The following TTC27 variants were observed in gnomAD, a reference collection of about 807,000 sequenced individuals.
The protein encoded by TTC27 is tetratricopeptide repeat domain 27.
TTC27 carries 79 observed loss-of-function variants against 115.9 expected under a neutral mutation model. That is an observed-to-expected ratio of 0.68 (90% CI 0.57 to 0.82). TTC27 has a LOEUF of 0.82. Ranked by LOEUF, TTC27 falls within the 40% of genes least tolerant of loss-of-function variation. The probability of loss-of-function intolerance (pLI) is 0.00; values close to 1 mark genes in which losing one functional copy is unlikely to be tolerated. For synonymous variants in TTC27, 401 were observed against 356.0 expected (o/e 1.13, Z -1.42); for missense variants, 1,054 against 993.1 (o/e 1.06, Z -0.82).
intron 9 of TTC27, among the ~76,000 whole-genome samples, chr2:32,680,069 C>G (rs1332493286): frequency 1.3e-5 from 2 of 152,114 alleles, no homozygotes; most frequent in Non-Finnish European, 2.9e-5. Context: ...TTACTATTTC[C>G]TACATACCCT....
chr2:32,737,758 C>G (rs1165037982), intron 12 of TTC27, among the ~76,000 whole-genome samples: 2 of 152,056 alleles, frequency 1.3e-5, no homozygotes, highest in African/African-American at 2.4e-5. Flanking sequence ...ATCCTAACAC[C>G]TCGAGAAGCT....
chr2:32,640,905 C>A (rs1664620517), intron 4 of TTC27, among the ~76,000 whole-genome samples: 5 of 152,090 alleles, frequency 3.3e-5, no homozygotes, highest in Admixed American at 2.6e-4. Flanking sequence ...TTGCTTGAAC[C>A]TGGGAGGTGG....
chr2:32,686,600 A>G (rs1420732121), intron 9 of TTC27, among the ~76,000 whole-genome samples: 1 of 151,828 alleles, frequency 6.6e-6, no homozygotes, highest in East Asian at 1.9e-4. Flanking sequence ...GGCTCAAGTG[A>G]TCCGCCCGCC....
At chr2:32,658,258 G>T (rs1025297624) in intron 5 of TTC27, among the ~76,000 whole-genome samples, 8 of 152,144 alleles carry the variant, frequency 5.3e-5, no homozygotes, top group Non-Finnish European at 1.2e-4. Flanking sequence ...CAGTATCTGG[G>T]ACTACAGGAG....
chr2:32,669,182 G>C (rs112477817), intron 7 of TTC27, among the ~76,000 whole-genome samples: 2 of 152,258 alleles, frequency 1.3e-5, no homozygotes, highest in African/African-American at 4.8e-5. Context: ...GGTAGAGATG[G>C]GGTTTCACCG....
intron 8 of TTC27, among the ~76,000 whole-genome samples, chr2:32,673,442 G>C (rs1249540846): frequency 6.6e-6 from 1 of 151,910 alleles, no homozygotes; most frequent in Non-Finnish European, 1.5e-5. Context: ...TTCCAGGCTG[G>C]TCTCGAACTC....
intron 4 of TTC27, among the ~76,000 whole-genome samples, chr2:32,649,842 C>A (rs1665021056): frequency 6.6e-6 from 1 of 151,812 alleles, no homozygotes; most frequent in Non-Finnish European, 1.5e-5. Flanking sequence ...TCGCACCCGG[C>A]CACAACATAT....
chr2:32,647,568 C>T (rs1278816364), intron 4 of TTC27, among the ~76,000 whole-genome samples: 1 of 152,172 alleles, frequency 6.6e-6, no homozygotes, highest in African/African-American at 2.4e-5. Context: ...GTGGTTGCAT[C>T]ACGGTTGTAG....
Position 32,664,329 on chromosome 2 carries a change from G to T in TTC27, c.667G>T (p.Asp223Tyr). The change falls in exon 6 of 20, where the codon GAT becomes TAT. Residue 223 changes from aspartate (D) to tyrosine (Y), a missense_variant. By Grantham distance (160) the Asp-to-Tyr change is radical. Transcript: ENST00000317907. ...QVMKLQNLFVDDSGRYLAIQF... is the reference protein window; with the variant it reads ...QVMKLQNLFVYDSGRYLAIQF... ...GATGAAACTACAGAATCTGTTTGTA[G>T]ATGATTCAGGTCGATATTTGGCTAT... 1 of 1,606,184 alleles carries T rather than the reference G, an allele frequency of 6.2e-7. No homozygotes were observed. Among genetic ancestry groups the T allele is most frequent in the South Asian group, 1.1e-5 (1 of 89,666 alleles).
intron 7 of TTC27, among the ~76,000 whole-genome samples, chr2:32,667,541 C>T (rs111901050): frequency 0.012 from 1,847 of 151,092 alleles, 16 homozygotes; most frequent in Middle Eastern, 0.027. Flanking sequence ...CTCAGCCTCC[C>T]GAGTAGCTGG....
chr2:32,672,414 A>G, intron 8 of TTC27, 30 bp downstream of exon 8: 1 of 1,497,188 alleles, frequency 6.7e-7, no homozygotes, highest in Middle Eastern at 1.7e-4. Context: ...GGCTGCTTTG[A>G]ACACTTTGCA....
At chr2:32,705,499 G>T (rs1306072706) in intron 10 of TTC27, among the ~76,000 whole-genome samples, 2 of 151,554 alleles carry the variant, frequency 1.3e-5, no homozygotes, top group African/African-American at 4.8e-5. Context: ...TTTTTTACTT[G>T]CCACTATACT....
intron 5 of TTC27, among the ~76,000 whole-genome samples, chr2:32,652,321 A>T (rs1214001523): frequency 6.6e-6 from 1 of 152,158 alleles, no homozygotes; most frequent in Non-Finnish European, 1.5e-5. Context: ...CAGTGAGCTG[A>T]GATCGCGTCA....
At chr2:32,645,870 C>G (rs886175622) in intron 4 of TTC27, among the ~76,000 whole-genome samples, 1 of 151,638 alleles carries the variant, frequency 6.6e-6, no homozygotes, top group Non-Finnish European at 1.5e-5. Context: ...GTATGCACCA[C>G]CAGGCCCGGC....
At chr2:32,683,446 A>G (rs1030579278) in intron 9 of TTC27, among the ~76,000 whole-genome samples, 5 of 152,248 alleles carry the variant, frequency 3.3e-5, no homozygotes, top group African/African-American at 9.6e-5. Flanking sequence ...AAAGTTTACT[A>G]GAATGATGGT....
chr2:32,673,070 G>GTCTCT (rs1346771055), intron 8 of TTC27, among the ~76,000 whole-genome samples: 4 of 151,964 alleles, frequency 2.6e-5, no homozygotes, highest in Non-Finnish European at 5.9e-5. Context: ...TAGTTTTCTT[G>GTCTCT]TCTCTTTAGT....
intron 9 of TTC27, among the ~76,000 whole-genome samples, chr2:32,679,494 C>T (rs1666342963): frequency 2.6e-5 from 4 of 152,086 alleles, no homozygotes; most frequent in South Asian, 2.1e-4. Context: ...AAGTCACAGA[C>T]GAAGGGGTCA....
chr2:32,664,207 T>G lies in TTC27; in HGVS notation c.641-96T>G. 6.7e-6 allele frequency: 7 copies of G among 1,052,396 alleles called. 1 individual carries two copies. In the South Asian group the frequency reaches 1.1e-4, roughly 17 times the overall value. 65.2% of individuals were successfully genotyped at this position (1,052,396 alleles called of 1,614,324 possible). A position where few individuals can be genotyped will look rare whatever the true frequency, so the allele number is the denominator to read the frequency against. ...TAAAATTATTTAACAACAGAGACTA[T>G]GTACTATATACTTTATGTATTATAG... On this transcript the variant is annotated intron_variant, in intron 5 of 19. Coordinates refer to ENST00000317907, the MANE Select transcript of TTC27 (RefSeq NM_017735.5).
At chr2:32,638,143 G>T (rs1365974576) in intron 3 of TTC27, among the ~76,000 whole-genome samples, 4 of 152,124 alleles carry the variant, frequency 2.6e-5, no homozygotes, top group Non-Finnish European at 4.4e-5. Context: ...TAATTTTTAT[G>T]GATCTGTTTC....
Sources: allele counts gnomAD v4.1 joint callset (sites outside exome capture counted in the v4.1 genomes callset), GRCh38; gene constraint gnomAD v4.1.1; transcripts MANE v1.5; gene names NCBI Gene and HGNC (gene_info 2026-07-23, HGNC 2026-07-21).